KIAA0319: variants seen among roughly 807,000 people sequenced by gnomAD.
KIAA0319 encodes the protein KIAA0319.
KIAA0319 carries 83 observed loss-of-function variants against 108.4 expected under a neutral mutation model. The observed-to-expected ratio is 0.77, with a 90% CI of 0.64 to 0.92. The LOEUF (loss-of-function observed/expected upper bound fraction) is 0.92. KIAA0319 is among the 40% of genes least tolerant of loss of function. KIAA0319 has a pLI of 0.00. For missense variants in KIAA0319, 1,195 were observed against 1,322.4 expected (o/e 0.90, Z 1.49); for synonymous variants, 484 against 510.4 (o/e 0.95, Z 0.70).
At chr6:24,577,104 G>A (rs1301281542) in intron 9 of KIAA0319, among the ~76,000 whole-genome samples, 1 of 152,198 alleles carries the variant, frequency 6.6e-6, no homozygotes, top group African/African-American at 2.4e-5. Context: ...TTTTGCTGCT[G>A]TTGGCTATTT....
chr6:24,611,372 G>A (rs531715732), intron 1 of KIAA0319, among the ~76,000 whole-genome samples: 196 of 152,020 alleles, frequency 1.3e-3, no homozygotes, highest in African/African-American at 4.5e-3. Flanking sequence ...AGTGGCGGGC[G>A]CCTGTAGTCC....
intron 3 of KIAA0319, among the ~76,000 whole-genome samples, chr6:24,590,800 C>G (rs1768355599): frequency 6.6e-6 from 1 of 152,130 alleles, no homozygotes; most frequent in Non-Finnish European, 1.5e-5. Flanking sequence ...GAATCACATG[C>G]CAATTCTTCC....
intron 1 of KIAA0319, among the ~76,000 whole-genome samples, chr6:24,607,247 T>C (rs1164392046): frequency 6.6e-6 from 1 of 152,126 alleles, no homozygotes; most frequent in Non-Finnish European, 1.5e-5. Flanking sequence ...TCCCAGCTAC[T>C]TGAGAGGCTG....
intron 11 of KIAA0319, among the ~76,000 whole-genome samples, chr6:24,571,192 G>T (rs145679477): frequency 6.8e-6 from 1 of 146,772 alleles, no homozygotes; most frequent in Admixed American, 6.7e-5. Flanking sequence ...ACTCTGTCTC[G>T]AGGGAAAAAA....
At chr6:24,556,456 C>T (rs1762296606) in intron 18 of KIAA0319, 151 bp downstream of exon 18, 5 of 831,454 alleles carry the variant, frequency 6.0e-6, no homozygotes, top group Non-Finnish European at 5.4e-6. Context: ...CATGCATCAC[C>T]ATGCCTGGCT....
chr6:24,561,148 A>G (rs1163449740), intron 16 of KIAA0319, among the ~76,000 whole-genome samples: 1 of 152,112 alleles, frequency 6.6e-6, no homozygotes, highest in African/African-American at 2.4e-5. Flanking sequence ...GTTTGATAGT[A>G]TTTTGTTGTA....
At chr6:24,640,211 A>G (rs748150212) in intron 1 of KIAA0319, among the ~76,000 whole-genome samples, 5 of 152,196 alleles carry the variant, frequency 3.3e-5, no homozygotes, top group Non-Finnish European at 7.3e-5. Flanking sequence ...CCTTCTCTAT[A>G]GAGGCTTCTA....
chr6:24,559,205 A>G (rs3903801), intron 16 of KIAA0319, 50 bp from the exon 17 acceptor site: 644,980 of 1,588,724 alleles, frequency 0.41, 138,371 homozygotes, highest in Non-Finnish European at 0.44. Flanking sequence ...GATGGTGACT[A>G]CCATGACACG....
Position 24,545,006 on chromosome 6 carries a change from G to C in KIAA0319, c.*2159C>G, listed in dbSNP as rs556726357. ...GTAAACCTAGAGGGAGGGGTGGCCCGGGTGTGATCCACAGGAGACTATGCA... is the reference window on the plus strand; with the variant it reads ...GTAAACCTAGAGGGAGGGGTGGCCCCGGTGTGATCCACAGGAGACTATGCA... On this transcript the variant is annotated 3_prime_UTR_variant, in exon 21 of 21. Coordinates refer to ENST00000378214, the MANE Select transcript of KIAA0319 (RefSeq NM_014809.4). 2 of 152,164 alleles carry C rather than the reference G, an allele frequency of 1.3e-5. No individual in the cohort carries two copies. Among genetic ancestry groups the C allele is most frequent in the African/African-American group, 2.4e-5 (1 of 41,432 alleles). 9.4% of individuals were successfully genotyped at this position (152,164 alleles called of 1,614,324 possible).
At position 24,599,304 on chromosome 6, in the gene KIAA0319, CAGACTG is replaced by C. The variant is rs1001014753; in HGVS notation, c.55+1739_55+1744del. 72 of 488,530 alleles carry C rather than the reference CAGACTG, an allele frequency of 1.5e-4. No homozygotes were observed. Among genetic ancestry groups the C allele is most frequent in the South Asian group, 3.0e-4 (16 of 52,478 alleles). 30.3% of individuals were successfully genotyped at this position (488,530 alleles called of 1,614,324 possible). A position where few individuals can be genotyped will look rare whatever the true frequency, so the allele number is the denominator to read the frequency against. On this transcript the variant is annotated intron_variant, in intron 2 of 20. Coordinates refer to ENST00000378214, the MANE Select transcript of KIAA0319 (RefSeq NM_014809.4). The surrounding 1 kb of genome is among the most constrained non-coding windows in gnomAD (Gnocchi z 4.1). ...GATGAATCAGAACATCAGCCGGCTC[CAGACTG>C]AGACTGAGGGCCTCAAAGGCTAGAG...
chr6:24,615,449 T>C (rs1211960312), intron 1 of KIAA0319, among the ~76,000 whole-genome samples: 2 of 151,236 alleles, frequency 1.3e-5, no homozygotes, highest in African/African-American at 2.4e-5. Flanking sequence ...AAAAAAAAAA[T>C]ACAGAAGAAT....
intron 11 of KIAA0319, among the ~76,000 whole-genome samples, chr6:24,570,606 G>C (rs1238173380): frequency 6.7e-6 from 1 of 149,204 alleles, no homozygotes; most frequent in African/African-American, 2.5e-5. Context: ...ATCGTCATAG[G>C]GTGAAAGAGA....
chr6:24,632,977 T>G (rs145750193), intron 1 of KIAA0319, among the ~76,000 whole-genome samples: 45 of 152,246 alleles, frequency 3.0e-4, no homozygotes, highest in African/African-American at 1.0e-3. Flanking sequence ...GGAAGCAGAT[T>G]CTGTGGGGCT....
chr6:24,572,480 C>A, intron 11 of KIAA0319, 95 bp downstream of exon 11: 1 of 1,407,202 alleles, frequency 7.1e-7, no homozygotes, highest in Non-Finnish European at 9.6e-7. Flanking sequence ...CACCCACAGG[C>A]CGGTACCACC....
intron 2 of KIAA0319, chr6:24,600,521 G>C (rs1055912728): frequency 2.8e-6 from 2 of 726,292 alleles, no homozygotes; most frequent in Non-Finnish European, 4.9e-6. Context: ...CAAGGGTCTC[G>C]CTAAGGTTAT....
At chr6:24,542,131 A>T (rs1760214340), downstream of KIAA0319, among the ~76,000 whole-genome samples, 2 of 152,178 alleles carry the variant, frequency 1.3e-5, no homozygotes, top group Non-Finnish European at 2.9e-5. Flanking sequence ...ACAGAGCAAG[A>T]CTGTCTGAAA....
At chr6:24,586,978 C>G (rs1460049285) in intron 4 of KIAA0319, among the ~76,000 whole-genome samples, 1 of 152,104 alleles carries the variant, frequency 6.6e-6, no homozygotes, top group Non-Finnish European at 1.5e-5. Context: ...TAACCCCCCT[C>G]TCTCCCTGGA....
chr6:24,610,628 T>C (rs1487024249), intron 1 of KIAA0319, among the ~76,000 whole-genome samples: 1 of 152,096 alleles, frequency 6.6e-6, no homozygotes, highest in African/African-American at 2.4e-5. Context: ...GTGTACATGA[T>C]AAGGGAGTTA....
intron 1 of KIAA0319, among the ~76,000 whole-genome samples, chr6:24,616,170 CAAA>C (rs939722298): frequency 2.6e-5 from 4 of 152,068 alleles, no homozygotes; most frequent in African/African-American, 9.7e-5. Context: ...CAAGGCTTTA[CAAA>C]AATTACTGGT....
Sources: allele counts gnomAD v4.1 joint callset (sites outside exome capture counted in the v4.1 genomes callset), GRCh38; gene constraint gnomAD v4.1.1; non-coding constraint Gnocchi (gnomAD v3.1); transcripts MANE v1.5; gene names NCBI Gene and HGNC (gene_info 2026-07-23, HGNC 2026-07-21).